The following SLCO1A2 variants were observed in gnomAD, a reference collection of about 807,000 sequenced individuals.
The protein encoded by SLCO1A2 is solute carrier organic anion transporter family member 1A2.
A neutral mutation model predicts 69.0 loss-of-function variants in SLCO1A2; 67 were observed. The ratio of observed to expected loss-of-function variants is 0.97; its 90% confidence interval spans 0.80 to 1.19. SLCO1A2 has a LOEUF of 1.19. Ranked by LOEUF, SLCO1A2 falls within the 50% of genes most tolerant of loss-of-function variation. The pLI is 0.00. For missense variants in SLCO1A2, 787 were observed against 793.7 expected (o/e 0.99, Z 0.10); for synonymous variants, 260 against 265.9 (o/e 0.98, Z 0.22).
Position 21,300,459 on chromosome 12 carries a change from G to A in SLCO1A2, c.799C>T (p.Pro267Ser), listed in dbSNP as rs1377269616. ...AGTCCTTCCTTTGGAAGTGTGTTGG[G>A]CAAAAAGAAAAAAGGAATGGCAGTG... is the stretch of plus-strand genomic sequence containing the variant. Reference protein sequence around the residue: ...VLTAIPFFFLPNTLPKEGLET... With the variant: ...VLTAIPFFFLSNTLPKEGLET... The change falls in exon 8 of 15, where the codon CCC (proline) becomes TCC (serine). Residue 267 changes from proline (P) to serine (S), a missense_variant. Physicochemically the swap from Pro to Ser is moderately conservative, Grantham distance 74. Coordinates refer to ENST00000683939, the MANE Select transcript of SLCO1A2 (RefSeq NM_001386879.1). 1 of 1,613,140 alleles carries A rather than the reference G, an allele frequency of 6.2e-7. No homozygotes were observed. The highest frequency in any genetic ancestry group is 1.7e-5 in the Admixed American group (1 of 59,890).
chr12:21,282,775 A>T (rs186603405), intron 12 of SLCO1A2, among the ~76,000 whole-genome samples: 1 of 152,268 alleles, frequency 6.6e-6, no homozygotes, highest in Admixed American at 6.5e-5. Flanking sequence ...AAAAATCAGT[A>T]GTGTTTGTAT....
At chr12:21,382,572 C>T (rs1002571934) in intron 1 of SLCO1A2, among the ~76,000 whole-genome samples, 77 of 151,804 alleles carry the variant, frequency 5.1e-4, no homozygotes, top group African/African-American at 1.7e-3. Context: ...CCGAGGTGGG[C>T]GGATCACAAG....
chr12:21,296,893 C>T (rs1423789309), intron 9 of SLCO1A2, among the ~76,000 whole-genome samples: 1 of 152,134 alleles, frequency 6.6e-6, no homozygotes, highest in Non-Finnish European at 1.5e-5. Flanking sequence ...GTGGAAAGAT[C>T]CCAGGAAAAA....
At chr12:21,417,354 T>C (rs1016217710) in intron 1 of SLCO1A2, among the ~76,000 whole-genome samples, 2 of 151,038 alleles carry the variant, frequency 1.3e-5, no homozygotes, top group Non-Finnish European at 2.9e-5. Flanking sequence ...AAAGGAGTAA[T>C]GAATAGATGG....
intron 1 of SLCO1A2, among the ~76,000 whole-genome samples, chr12:21,409,035 C>T (rs1941867397): frequency 1.3e-5 from 2 of 152,122 alleles, no homozygotes; most frequent in Non-Finnish European, 2.9e-5. Flanking sequence ...TAAAAGCAAC[C>T]AAGTTTTAGT....
At chr12:21,316,509 C>T (rs549267204) in intron 3 of SLCO1A2, among the ~76,000 whole-genome samples, 7 of 151,708 alleles carry the variant, frequency 4.6e-5, no homozygotes, top group Admixed American at 1.3e-4. Flanking sequence ...GTTCTTCATC[C>T]TTGTCTAACT....
chr12:21,292,115 C>A, intron 12 of SLCO1A2, 49 bp downstream of exon 12: 1 of 1,375,622 alleles, frequency 7.3e-7, no homozygotes, highest in Non-Finnish European at 9.8e-7. Flanking sequence ...AACAAGCTAC[C>A]TTAATAAATG....
chr12:21,398,722 T>C (rs376439560), upstream of SLCO1A2, among the ~76,000 whole-genome samples: 1 of 151,166 alleles, frequency 6.6e-6, no homozygotes, highest in Non-Finnish European at 1.5e-5. Flanking sequence ...TGGTTCAATA[T>C]ACGCAAATCA....
chr12:21,383,320 A>G (rs578118092), intron 1 of SLCO1A2, among the ~76,000 whole-genome samples: 11 of 152,148 alleles, frequency 7.2e-5, no homozygotes, highest in Non-Finnish European at 1.2e-4. Flanking sequence ...CTATGGTTCA[A>G]TAAAACCTTT....
intron 1 of SLCO1A2, among the ~76,000 whole-genome samples, chr12:21,403,864 G>A (rs969887964): frequency 6.6e-6 from 1 of 151,770 alleles, no homozygotes; most frequent in Non-Finnish European, 1.5e-5. Flanking sequence ...CGTGATTAAG[G>A]CACCTTTAAC....
At chr12:21,304,302 C>T (rs903427864) in intron 6 of SLCO1A2, 125 bp downstream of exon 6, 17 of 706,488 alleles carry the variant, frequency 2.4e-5, no homozygotes, top group Admixed American at 5.9e-5. Context: ...TTATGGAAGG[C>T]CAACTGTGCC....
At chr12:21,373,045 G>C in intron 2 of SLCO1A2, 1 of 324,356 alleles carries the variant, frequency 3.1e-6, no homozygotes, top group South Asian at 4.4e-5. Context: ...TATTTATTTA[G>C]AGAAATGCAC....
At chr12:21,388,249 T>A (rs758068816) in intron 1 of SLCO1A2, among the ~76,000 whole-genome samples, 2 of 151,994 alleles carry the variant, frequency 1.3e-5, no homozygotes, top group Non-Finnish European at 2.9e-5. Context: ...AAGGGCACAT[T>A]GTGTTTTGAA....
At chr12:21,333,586 CATT>C (rs1393841997) in intron 2 of SLCO1A2, among the ~76,000 whole-genome samples, 4 of 152,070 alleles carry the variant, frequency 2.6e-5, no homozygotes, top group Non-Finnish European at 5.9e-5. Context: ...TTAACATCCA[CATT>C]AATATCTAAC....
chr12:21,417,034 A>G (rs1189375660), intron 1 of SLCO1A2, among the ~76,000 whole-genome samples: 2 of 152,176 alleles, frequency 1.3e-5, no homozygotes, highest in East Asian at 1.9e-4. Flanking sequence ...CTACTGATCT[A>G]GAACGTAAGC....
intron 12 of SLCO1A2, among the ~76,000 whole-genome samples, chr12:21,283,865 C>T (rs1318359823): frequency 1.3e-5 from 2 of 152,132 alleles, no homozygotes; most frequent in African/African-American, 4.8e-5. Flanking sequence ...AATGAGATAT[C>T]ATCTCACCCC....
In SLCO1A2 at chr12:21,388,713, G is replaced by A. The variant is rs529503604; in HGVS notation, c.-190+6193C>T. Among the ~76,000 whole-genome samples the A allele has an allele frequency of 8.6e-5, 13 of 151,960 alleles. No individual in the cohort carries two copies. In the East Asian group the frequency reaches 2.5e-3, roughly 29 times the overall value. ...ATTACTAAAATTCTAGGGTACTGTGGCATTGACCAAAGCATGAAATATTAA... is the reference window on the plus strand; with the variant it reads ...ATTACTAAAATTCTAGGGTACTGTGACATTGACCAAAGCATGAAATATTAA... On this transcript the variant is annotated intron_variant, in intron 1 of 15. Coordinates refer to the SLCO1A2 transcript ENST00000307378.
At chr12:21,335,662 G>A (rs1302265573), upstream of SLCO1A2, among the ~76,000 whole-genome samples, 1 of 152,036 alleles carries the variant, frequency 6.6e-6, no homozygotes, top group Non-Finnish European at 1.5e-5. Context: ...TTTAACAAGT[G>A]ATCCTGAATG....
At chr12:21,330,468 C>T (rs1952542473) in intron 2 of SLCO1A2, among the ~76,000 whole-genome samples, 2 of 151,948 alleles carry the variant, frequency 1.3e-5, no homozygotes, top group Admixed American at 1.3e-4. Flanking sequence ...GAGATTGTGC[C>T]ACTGCACTCC....
Sources: gnomAD v4.1 joint callset for allele counts (sites outside exome capture counted in the v4.1 genomes callset) on GRCh38, gnomAD v4.1.1 for gene constraint, MANE v1.5 for transcripts, NCBI Gene and HGNC (gene_info 2026-07-23, HGNC 2026-07-21) for gene names.